Variants in SCNN1B observed in about 807,000 individuals in gnomAD.
SCNN1B encodes sodium channel epithelial 1 subunit beta.
In SCNN1B, 46 loss-of-function variants were observed where a neutral mutation model predicts 65.3. The ratio of observed to expected loss-of-function variants is 0.70; its 90% CI spans 0.56 to 0.90. The LOEUF is 0.90. SCNN1B is among the 40% of genes least tolerant of loss of function. The pLI is 0.00. For synonymous variants in SCNN1B, 349 were observed against 330.6 expected (o/e 1.06, Z -0.60); for missense variants, 751 against 830.5 (o/e 0.90, Z 1.18).
At chr16:23,372,128 G>A in intron 7 of SCNN1B, 4 of 574,196 alleles carry the variant, frequency 7.0e-6, no homozygotes, top group Non-Finnish European at 1.2e-5. Flanking sequence ...AGGGGATTAT[G>A]GGGATCTTAC....
At position 23,309,410 on chromosome 16, in the gene SCNN1B, TGATAGATA is replaced by T. The variant is rs58532372; in HGVS notation, c.-9+6996_-9+7003del. ...GGATAGATGATAGATAGATAAATGA[TGATAGATA>T]GATAGATAGATAGATAGATAGACAG... On this transcript the variant is annotated intron_variant, in intron 1 of 12. Coordinates refer to ENST00000343070, the MANE Select transcript of SCNN1B (RefSeq NM_000336.3). Among the ~76,000 whole-genome samples the T allele has an allele frequency of 3.6e-3, 537 of 150,926 alleles. 1 individual carries two copies. Among genetic ancestry groups the T allele is most frequent in the African/African-American group, 0.012 (480 of 40,912 alleles).
chr16:23,336,412 G>A (rs974349089), intron 1 of SCNN1B, among the ~76,000 whole-genome samples: 20 of 145,684 alleles, frequency 1.4e-4, no homozygotes, highest in African/African-American at 2.6e-4. Flanking sequence ...TCGCTCTGTC[G>A]CCAGGCTGGA....
At chr16:23,352,078 A>T (rs3785361) in intron 2 of SCNN1B, among the ~76,000 whole-genome samples, 18,396 of 152,278 alleles carry the variant, frequency 0.12, 1,416 homozygotes, top group South Asian at 0.34. Flanking sequence ...CACCTGGCAC[A>T]TGGTAAGCTA....
intron 2 of SCNN1B, among the ~76,000 whole-genome samples, chr16:23,287,091 G>A (rs868392516): frequency 6.5e-4 from 97 of 148,578 alleles, no homozygotes; most frequent in African/African-American, 2.1e-3. Context: ...TGCAACCTCC[G>A]CCTCCAGGGT....
intron 3 of SCNN1B, among the ~76,000 whole-genome samples, 176 bp from the exon 4 acceptor site, chr16:23,355,123 G>A (rs1322885420): frequency 6.6e-6 from 1 of 152,148 alleles, no homozygotes; most frequent in East Asian, 1.9e-4. Context: ...CTGTGTATGA[G>A]GCAGTAGCCC....
intron 1 of SCNN1B, among the ~76,000 whole-genome samples, chr16:23,304,562 C>T (rs756848803): frequency 2.0e-5 from 3 of 152,226 alleles, no homozygotes; most frequent in Non-Finnish European, 4.4e-5. Flanking sequence ...CAAAGCCAAA[C>T]TCAGCCTCCA....
chr16:23,321,008 A>G (rs1288991928), intron 1 of SCNN1B, among the ~76,000 whole-genome samples: 1 of 152,208 alleles, frequency 6.6e-6, no homozygotes, highest in Non-Finnish European at 1.5e-5. Flanking sequence ...TAAGGAGATC[A>G]GAGATTATGA....
At chr16:23,298,513 A>G (rs904537319), upstream of SCNN1B, among the ~76,000 whole-genome samples, 1 of 152,212 alleles carries the variant, frequency 6.6e-6, no homozygotes, top group Non-Finnish European at 1.5e-5. Context: ...TGCCATGACA[A>G]TGGTAAACTA....
At position 23,380,424 on chromosome 16, in the gene SCNN1B, G is replaced by A. The variant is rs778557808; in HGVS notation, c.1546G>A (p.Val516Ile). 1.4e-4 allele frequency: 222 copies of A among 1,614,024 alleles called. No homozygotes were observed. Among genetic ancestry groups the A allele is most frequent in the Admixed American group, 9.2e-4 (55 of 60,004 alleles). Residue 516 changes from valine (V) to isoleucine (I), a missense_variant, in exon 13 of 13, where the codon GTC (valine) becomes ATC (isoleucine). Val to Ile is a conservative substitution (Grantham distance 29). Coordinates refer to ENST00000343070, the MANE Select transcript of SCNN1B (RefSeq NM_000336.3). The surrounding 1 kb of genome is among the most constrained non-coding windows in gnomAD (Gnocchi z 5.4). ...CCCAGCTCCCTGTTCCCCACAGATC[G>A]TCTGGCTGCTCTCGAATCTGGGTGG... ...TIEESAANNI[V>I]WLLSNLGGQF... is the part of the protein sequence containing the mutation.
chr16:23,339,503 C>A (rs1045732425), intron 1 of SCNN1B, among the ~76,000 whole-genome samples: 2 of 151,992 alleles, frequency 1.3e-5, no homozygotes, highest in African/African-American at 4.8e-5. Flanking sequence ...CTGGCTTGGC[C>A]TCCCAAAGTG....
chr16:23,287,622 A>G (rs1960868376), intron 2 of SCNN1B, among the ~76,000 whole-genome samples: 1 of 152,020 alleles, frequency 6.6e-6, no homozygotes, highest in Non-Finnish European at 1.5e-5. Flanking sequence ...GGGGTGGCCT[A>G]CAGATCCACC....
intron 1 of SCNN1B, chr16:23,304,170 T>C (rs565842307): frequency 1.6e-6 from 2 of 1,246,452 alleles, no homozygotes; most frequent in Non-Finnish European, 2.3e-6. Flanking sequence ...TTTTTCTTTA[T>C]CCTAAACTAA....
intron 2 of SCNN1B, among the ~76,000 whole-genome samples, chr16:23,287,007 GTTTT>G (rs5816209): frequency 7.2e-6 from 1 of 138,712 alleles, no homozygotes; most frequent in Non-Finnish European, 1.6e-5. Context: ...TTGCTGGGTT[GTTTT>G]TTTTTTTTTT....
At chr16:23,339,811 C>T (rs1962018124) in intron 1 of SCNN1B, among the ~76,000 whole-genome samples, 2 of 152,106 alleles carry the variant, frequency 1.3e-5, no homozygotes, top group African/African-American at 4.8e-5. Flanking sequence ...AAGTGATCCA[C>T]CCACCTTGAC....
Position 23,348,961 on chromosome 16 carries a change from TTC to T in SCNN1B, c.311+57_311+58del, listed in dbSNP as rs780118963. 6.9e-7 allele frequency: 1 copy of T among 1,439,162 alleles called. No individual in the cohort carries two copies. The highest frequency in any genetic ancestry group is 9.8e-7 in the Non-Finnish European group (1 of 1,021,890). The allele number at this position is 1,439,162 out of a possible 1,614,324, so 89.1% of individuals were successfully genotyped here. The stretch of plus-strand genomic sequence containing the variant: ...GGCCTCAGCAGACAGGCGGTTCTCT[TTC>T]TCTCTTTTCTTCCCTTCTACCTTTC... On this transcript the variant is annotated intron_variant, in intron 2 of 12. Coordinates refer to ENST00000343070, the MANE Select transcript of SCNN1B (RefSeq NM_000336.3). This position sits in a 1 kb window ranked among gnomAD's most constrained non-coding sequence, Gnocchi z 4.5.
At position 23,365,620 on chromosome 16, in the gene SCNN1B, A is replaced by AGAGAAAG. The variant is rs11399911; in HGVS notation, c.777-2236_777-2235insGAGAAAG. 8.9e-3 allele frequency among the ~76,000 whole-genome samples: 714 copies of AGAGAAAG among 80,416 alleles called. 11 individuals are homozygous for AGAGAAAG. Among genetic ancestry groups the AGAGAAAG allele is most frequent in the Middle Eastern group, 0.014 (2 of 140 alleles). The allele number at this position is 80,416 out of a possible 152,430, so 52.8% of individuals were successfully genotyped here. ...AAGAAAGAAAGAAAGAAAGAAAGAA[A>AGAGAAAG]AAAGAAAGAAGTCACATCTTGGAAG... On this transcript the variant is annotated intron_variant, in intron 4 of 12. Coordinates refer to ENST00000343070, the MANE Select transcript of SCNN1B (RefSeq NM_000336.3).
At chr16:23,291,512 A>G (rs545067722) in intron 2 of SCNN1B, among the ~76,000 whole-genome samples, 1 of 148,028 alleles carries the variant, frequency 6.8e-6, no homozygotes, top group African/African-American at 2.4e-5. Context: ...GTAGGTATAC[A>G]TACCCATTAA....
intron 2 of SCNN1B, chr16:23,283,842 C>G (rs1022024395): frequency 2.0e-5 from 3 of 152,210 alleles, no homozygotes; most frequent in Non-Finnish European, 4.4e-5. Flanking sequence ...GTGGTGTTAC[C>G]GATGCCCAGA....
chr16:23,371,299 G>A lies in SCNN1B; in HGVS notation c.881G>A (p.Gly294Asp). 1.2e-6 allele frequency: 2 copies of A among 1,614,022 alleles called. No homozygotes were observed. Among genetic ancestry groups the A allele is most frequent in the Non-Finnish European group, 1.7e-6 (2 of 1,179,994 alleles). ...AGCCCTCACCCCACCCTCCCCACAGGCCTGAAGTTGATCCTGGACATAGGC... is the reference window on the plus strand; with the variant it reads ...AGCCCTCACCCCACCCTCCCCACAGACCTGAAGTTGATCCTGGACATAGGC... Reference protein sequence around the residue: ...LPSANPGTEFGLKLILDIGQE... With the variant: ...LPSANPGTEFDLKLILDIGQE... Residue 294 changes from glycine (G) to aspartate (D), a missense_variant and splice_region_variant, in exon 6 of 13, where the codon GGC (glycine) becomes GAC (aspartate). Transcript: ENST00000343070.
Sources: allele counts gnomAD v4.1 joint callset (sites outside exome capture counted in the v4.1 genomes callset), GRCh38; gene constraint gnomAD v4.1.1; non-coding constraint Gnocchi (gnomAD v3.1); transcripts MANE v1.5; gene names NCBI Gene and HGNC (gene_info 2026-07-23, HGNC 2026-07-21).